Variants in NIPA1 observed in about 807,000 individuals in gnomAD.
NIPA1 encodes NIPA magnesium transporter 1.
A neutral mutation model predicts 23.9 loss-of-function variants in NIPA1; 13 were observed. That is an observed-to-expected ratio of 0.54 (90% CI 0.35 to 0.87). The LOEUF is 0.87. NIPA1 is among the 40% of genes least tolerant of loss of function. NIPA1 has a pLI of 0.01. For missense variants in NIPA1, 362 were observed against 429.7 expected (o/e 0.84, Z 1.39); for synonymous variants, 234 against 202.9 (o/e 1.15, Z -1.30).
At chr15:22,802,053 A>G (rs1424918949) in intron 1 of NIPA1, among the ~76,000 whole-genome samples, 1 of 152,152 alleles carries the variant, frequency 6.6e-6, no homozygotes, top group African/African-American at 2.4e-5. Context: ...TAGTTGTATT[A>G]GGGTCAGCAT....
chr15:22,799,416 G>A (rs1895016364), intron 1 of NIPA1, among the ~76,000 whole-genome samples: 1 of 152,062 alleles, frequency 6.6e-6, no homozygotes, highest in Non-Finnish European at 1.5e-5. Flanking sequence ...CTGCCGAGGT[G>A]GGCAGATCAC....
intron 1 of NIPA1, among the ~76,000 whole-genome samples, chr15:22,788,913 C>G: frequency 5.4e-5 from 1 of 18,456 alleles, no homozygotes; most frequent in East Asian, 2.6e-3. Flanking sequence ...GAACAAGGCT[C>G]TGTCTTAAAA....
chr15:22,802,613 T>G, intron 1 of NIPA1, among the ~76,000 whole-genome samples: 2 of 152,072 alleles, frequency 1.3e-5, no homozygotes, highest in Middle Eastern at 6.8e-3. Flanking sequence ...AAGGTACAGT[T>G]TGATGAGTTT....
intron 1 of NIPA1, among the ~76,000 whole-genome samples, chr15:22,800,567 C>T (rs892745279): frequency 2.0e-5 from 3 of 151,646 alleles, no homozygotes; most frequent in Non-Finnish European, 2.9e-5. Context: ...CTGAGGTGAG[C>T]GGATCACCTG....
chr15:22,793,627 GAC>G (rs1330038473), intron 1 of NIPA1, among the ~76,000 whole-genome samples: 1 of 151,912 alleles, frequency 6.6e-6, no homozygotes, highest in African/African-American at 2.4e-5. Context: ...CTTTAGTAGA[GAC>G]AGGGTTTCAC....
chr15:22,787,067 CG>C (rs996618083), intron 1 of NIPA1, among the ~76,000 whole-genome samples: 2 of 151,886 alleles, frequency 1.3e-5, no homozygotes, highest in African/African-American at 4.8e-5. Context: ...CCTGAGCGTC[CG>C]GCGCTTCGCC....
chr15:22,810,415 ACTCAAACC>A (rs1895295506), intron 1 of NIPA1, among the ~76,000 whole-genome samples: 1 of 152,156 alleles, frequency 6.6e-6, no homozygotes, highest in Admixed American at 6.5e-5. Flanking sequence ...GACTTTAAAG[ACTCAAACC>A]CTTTTGAGAT....
Position 22,827,964 on chromosome 15 carries a change from C to T in NIPA1, c.*3725C>T, listed in dbSNP as rs1189574447. 1 of 152,114 alleles carries T rather than the reference C, an allele frequency of 6.6e-6. No individual in the cohort carries two copies. The highest frequency in any genetic ancestry group is 1.9e-4 in the East Asian group (1 of 5,178). The allele number at this position is 152,114 out of a possible 1,614,324, so 9.4% of individuals were successfully genotyped here. ...TACTCCGGTGGTTCCCAGAGCCCCT[C>T]CCGTTGTGCCGCTTCGACCTGACAC... is the stretch of plus-strand genomic sequence containing the variant. On this transcript the variant is annotated 3_prime_UTR_variant, in exon 5 of 5. Coordinates refer to ENST00000337435, the MANE Select transcript of NIPA1 (RefSeq NM_144599.5).
intron 3 of NIPA1, chr15:22,819,509 G>T (rs1895493144): frequency 6.6e-6 from 1 of 152,156 alleles, no homozygotes; most frequent in African/African-American, 2.4e-5. Flanking sequence ...AGATGTTTTT[G>T]AAGAATACAT....
In NIPA1 at chr15:22,819,876, C is replaced by T. The variant is rs551030693; in HGVS notation, c.318-437C>T. 2.6e-5 allele frequency among the ~76,000 whole-genome samples: 4 copies of T among 152,224 alleles called. No homozygotes were observed. The South Asian group carries it at 8.3e-4, about 32-fold the overall frequency. On this transcript the variant is annotated intron_variant, in intron 3 of 4. Transcript: ENST00000337435. Reference sequence around the variant, plus strand: ...TGTAAATTATGTGTATCATTAACTACGTAGTGGTTATACATGGAATTGGTG... The same window carrying T: ...TGTAAATTATGTGTATCATTAACTATGTAGTGGTTATACATGGAATTGGTG...
chr15:22,806,184 A>G (rs2140862405), intron 1 of NIPA1, among the ~76,000 whole-genome samples: 1 of 152,258 alleles, frequency 6.6e-6, no homozygotes, highest in African/African-American at 2.4e-5. Flanking sequence ...CGGCCTCCCA[A>G]AGTGCCGGGA....
At chr15:22,813,866 T>C (rs942803881) in intron 3 of NIPA1, among the ~76,000 whole-genome samples, 5 of 152,044 alleles carry the variant, frequency 3.3e-5, no homozygotes, top group Admixed American at 2.6e-4. Context: ...AGGGCAAGAG[T>C]GTTCTCACTT....
chr15:22,808,251 G>T (rs1895252734), intron 1 of NIPA1, among the ~76,000 whole-genome samples: 2 of 152,312 alleles, frequency 1.3e-5, no homozygotes, highest in South Asian at 4.1e-4. Context: ...ATCTAACATT[G>T]ATTCTGTATT....
chr15:22,809,634 ACT>A (rs1895279563), intron 1 of NIPA1, among the ~76,000 whole-genome samples: 1 of 151,572 alleles, frequency 6.6e-6, no homozygotes, highest in African/African-American at 2.4e-5. Flanking sequence ...AGTCTCAGCT[ACT>A]CGGGAGGCTG....
At chr15:22,812,045 C>T (rs1746651045) in intron 2 of NIPA1, 118 bp from the exon 3 acceptor site, 1 of 813,210 alleles carries the variant, frequency 1.2e-6, no homozygotes, top group Non-Finnish European at 2.1e-6. Context: ...TGTGATTCTT[C>T]ACAAGTAATG....
chr15:22,822,276 T>C (rs916138054), intron 4 of NIPA1, among the ~76,000 whole-genome samples: 2 of 152,228 alleles, frequency 1.3e-5, no homozygotes, highest in Non-Finnish European at 2.9e-5. Flanking sequence ...GCTCTGATTA[T>C]TATAGGCATA....
chr15:22,793,229 G>T (rs1894868199), intron 1 of NIPA1, among the ~76,000 whole-genome samples: 1 of 149,484 alleles, frequency 6.7e-6, no homozygotes, highest in South Asian at 2.1e-4. Flanking sequence ...CATGCCTGTA[G>T]TCCCAGCCAC....
chr15:22,804,223 C>T (rs971549495), intron 1 of NIPA1, among the ~76,000 whole-genome samples: 1 of 151,902 alleles, frequency 6.6e-6, no homozygotes, highest in East Asian at 1.9e-4. Context: ...GGTGATTCAC[C>T]CACCTCAGCC....
chr15:22,823,726 A>G lies in NIPA1; in HGVS notation c.479-2A>G. 1 of 1,603,868 alleles carries G rather than the reference A, an allele frequency of 6.2e-7. No individual in the cohort carries two copies. The highest frequency in any genetic ancestry group is 8.5e-7 in the Non-Finnish European group (1 of 1,178,138). On this transcript the variant is annotated splice_acceptor_variant, in intron 4 of 4. Coordinates refer to ENST00000337435, the MANE Select transcript of NIPA1 (RefSeq NM_144599.5). LOFTEE classifies it high-confidence loss of function. ...GGTGACTGTGTGCTGTCTGTGTTCC[A>G]GTGTTTGTGGGCTACCTGTGCATCG...
Sources: gnomAD v4.1 joint callset for allele counts (sites outside exome capture counted in the v4.1 genomes callset) on GRCh38, gnomAD v4.1.1 for gene constraint, MANE v1.5 for transcripts, NCBI Gene and HGNC (gene_info 2026-07-23, HGNC 2026-07-21) for gene names.